Variants in KCNQ1 observed in about 807,000 individuals in gnomAD.
KCNQ1 encodes potassium voltage-gated channel subfamily Q member 1.
In KCNQ1, 49 loss-of-function variants were observed where a neutral mutation model predicts 72.4. That is an observed-to-expected ratio of 0.68 (90% CI 0.54 to 0.86). The LOEUF is 0.86. KCNQ1 is among the 40% of genes least tolerant of loss of function. KCNQ1 has a pLI of 0.00. For synonymous variants in KCNQ1, 450 were observed against 412.6 expected, an observed-to-expected ratio of 1.09 and a Z score of -1.10; for missense variants, 790 against 945.1, an observed-to-expected ratio of 0.84 and a Z score of 2.15.
At chr11:2,722,545 C>T (rs376294567) in intron 11 of KCNQ1, among the ~76,000 whole-genome samples, 15 of 152,132 alleles carry the variant, frequency 9.9e-5, no homozygotes, top group African/African-American at 2.7e-4. Context: ...ATGTCAGCCA[C>T]GGCTGGTGGG....
Position 2,669,146 on chromosome 11 carries a change from G to C in KCNQ1, c.1514+7065G>C. The C allele has an allele frequency of 2.5e-6, 1 of 398,708 alleles. No homozygotes were observed. Among genetic ancestry groups the C allele is most frequent in the Non-Finnish European group, 4.4e-6 (1 of 226,118 alleles). The allele number at this position is 398,708 out of a possible 1,614,324, so 24.7% of individuals were successfully genotyped here. On this transcript the variant is annotated intron_variant, in intron 11 of 15. Coordinates refer to ENST00000155840, the MANE Select transcript of KCNQ1 (RefSeq NM_000218.3). This position sits in a 1 kb window ranked among gnomAD's most constrained non-coding sequence, Gnocchi z 5.6. ...TTCTGGACCCTATTGGGTGCCACTG[G>C]TCAGATTCAAGTTGTTCTTTGTGGC...
At chr11:2,499,461 A>G (rs935021596) in intron 1 of KCNQ1, among the ~76,000 whole-genome samples, 2 of 152,122 alleles carry the variant, frequency 1.3e-5, no homozygotes, top group African/African-American at 4.8e-5. Flanking sequence ...ACGTATCAAT[A>G]ATAATATTAA....
chr11:2,778,159 T>TACCCAGCA, intron 15 of KCNQ1, 122 bp downstream of exon 15: 1 of 945,958 alleles, frequency 1.1e-6, no homozygotes, highest in Middle Eastern at 2.9e-4. Context: ...CGCCAGTGCC[T>TACCCAGCA]ACTGCAGCCT....
chr11:2,638,454 GA>G (rs1289052556), intron 10 of KCNQ1: 1 of 152,160 alleles, frequency 6.6e-6, no homozygotes, highest in African/African-American at 2.4e-5. Flanking sequence ...GGCTGGATAT[GA>G]AATTCTGGGT....
At position 2,526,635 on chromosome 11, in the gene KCNQ1, T is replaced by C. The variant is rs1847512589; in HGVS notation, c.387-1293T>C. ...GAGGATGAGCCGAGGCAGGCTGTGC[T>C]GGGAGGTAGCCTGTTTGTTGTGGGC... On this transcript the variant is annotated intron_variant, in intron 1 of 15. Coordinates refer to ENST00000155840, the MANE Select transcript of KCNQ1 (RefSeq NM_000218.3). This position sits in a 1 kb window ranked among gnomAD's most constrained non-coding sequence, Gnocchi z 6.1. Among the ~76,000 whole-genome samples, 2 of 110,808 alleles carry C rather than the reference T, an allele frequency of 1.8e-5. No homozygotes were observed. The highest frequency in any genetic ancestry group is 6.3e-4 in the East Asian group (2 of 3,174). 72.7% of individuals were successfully genotyped at this position (110,808 alleles called of 152,430 possible).
At chr11:2,738,099 A>C (rs1160682813) in intron 11 of KCNQ1, among the ~76,000 whole-genome samples, 1 of 152,070 alleles carries the variant, frequency 6.6e-6, no homozygotes, top group Non-Finnish European at 1.5e-5. Flanking sequence ...GCCTGTGGTC[A>C]GGGCAGGAAA....
intron 11 of KCNQ1, among the ~76,000 whole-genome samples, chr11:2,742,170 G>A (rs1846064705): frequency 1.3e-5 from 2 of 152,276 alleles, no homozygotes; most frequent in African/African-American, 4.8e-5. Flanking sequence ...GTGAACAGAG[G>A]TTTTGCACAG....
intron 1 of KCNQ1, among the ~76,000 whole-genome samples, chr11:2,521,159 C>T (rs1443832184): frequency 6.6e-6 from 1 of 152,146 alleles, no homozygotes. Flanking sequence ...GCAACCGTCA[C>T]CACCATCCAC....
At chr11:2,719,806 G>A (rs1040364244) in intron 11 of KCNQ1, among the ~76,000 whole-genome samples, 1 of 152,214 alleles carries the variant, frequency 6.6e-6, no homozygotes, top group Non-Finnish European at 1.5e-5. Flanking sequence ...CAAACACCGT[G>A]CTGGTTTCAG....
In KCNQ1 at chr11:2,735,316, G is replaced by A. The variant is rs1480636288; in HGVS notation, c.1515-33528G>A. ...CTGGGGCCCTGGGGTGGGAGGTGGG[G>A]ACAGGCTAATGGCAATTGAGGCCCT... On this transcript the variant is annotated intron_variant, in intron 11 of 15. Coordinates refer to ENST00000155840, the MANE Select transcript of KCNQ1 (RefSeq NM_000218.3). This position sits in a 1 kb window ranked among gnomAD's most constrained non-coding sequence, Gnocchi z 7.7. Among the ~76,000 whole-genome samples the A allele has an allele frequency of 6.6e-6, 1 of 152,068 alleles. No homozygotes were observed. Among genetic ancestry groups the A allele is most frequent in the African/African-American group, 2.4e-5 (1 of 41,410 alleles).
rs1475160497 is a variant in KCNQ1 at position 2,621,387 on chromosome 11, G to C, written c.1393+32533G>C. ...GTTCCTGTCCTTTGCCAATTCAATT[G>C]GATTATTCGTTTTTTGCTTGTTGAT... On this transcript the variant is annotated intron_variant, in intron 10 of 15. Transcript: ENST00000155840. The surrounding 1 kb of genome is among the most constrained non-coding windows in gnomAD (Gnocchi z 5.7). The C allele has an allele frequency of 7.5e-6, 3 of 398,370 alleles. No homozygotes were observed. The highest frequency in any genetic ancestry group is 6.2e-5 in the African/African-American group (3 of 48,578). The allele number at this position is 398,370 out of a possible 1,614,324, so 24.7% of individuals were successfully genotyped here.
Position 2,784,208 on chromosome 11 carries a change from T to C in KCNQ1, c.1794+6171T>C, listed in dbSNP as rs1846874296. On this transcript the variant is annotated intron_variant, in intron 15 of 15. Transcript: ENST00000155840. This position sits in a 1 kb window ranked among gnomAD's most constrained non-coding sequence, Gnocchi z 4.7. ...ATATGAAGTAAAGTCTAGATTTGTTTTGTTTTATTCTTACTTATGGATATC... is the reference window on the plus strand; with the variant it reads ...ATATGAAGTAAAGTCTAGATTTGTTCTGTTTTATTCTTACTTATGGATATC... 1.3e-5 allele frequency among the ~76,000 whole-genome samples: 2 copies of C among 152,000 alleles called. No individual in the cohort carries two copies.
In KCNQ1 at chr11:2,682,103, G is replaced by A. The variant is rs959470462; in HGVS notation, c.1514+20022G>A. On this transcript the variant is annotated intron_variant, in intron 11 of 15. Coordinates refer to ENST00000155840, the MANE Select transcript of KCNQ1 (RefSeq NM_000218.3). This position sits in a 1 kb window ranked among gnomAD's most constrained non-coding sequence, Gnocchi z 5.8. Reference sequence around the variant, plus strand: ...TAGGGCCCAGGGTCACAAAGCTAGGGAGCCGTGGATCTGCAGGAGATGTCC... The same window carrying A: ...TAGGGCCCAGGGTCACAAAGCTAGGAAGCCGTGGATCTGCAGGAGATGTCC... 4 of 398,448 alleles carry A rather than the reference G, an allele frequency of 1.0e-5. No individual in the cohort carries two copies. The highest frequency in any genetic ancestry group is 1.8e-5 in the Non-Finnish European group (4 of 226,080). The allele number at this position is 398,448 out of a possible 1,614,324, so 24.7% of individuals were successfully genotyped here. A position where few individuals can be genotyped will look rare whatever the true frequency, so the allele number is the denominator to read the frequency against.
At chr11:2,534,557 C>G (rs1338359670) in intron 2 of KCNQ1, among the ~76,000 whole-genome samples, 8 of 152,212 alleles carry the variant, frequency 5.3e-5, no homozygotes, top group African/African-American at 1.9e-4. Flanking sequence ...GACGAAGCCC[C>G]GTCCTGCACA....
intron 2 of KCNQ1, among the ~76,000 whole-genome samples, chr11:2,551,440 A>C (rs1847982434): frequency 6.6e-6 from 1 of 152,332 alleles, no homozygotes; most frequent in South Asian, 2.1e-4. Flanking sequence ...TGCATTCAGC[A>C]GTTTGTCTCC....
chr11:2,667,512 G>A, intron 11 of KCNQ1: 1 of 398,112 alleles, frequency 2.5e-6, no homozygotes, highest in Non-Finnish European at 4.4e-6. Context: ...GAGGTGGCTG[G>A]AGGGCAAAGG....
chr11:2,777,802 G>C, intron 14 of KCNQ1, 174 bp from the exon 15 acceptor site: 1 of 654,822 alleles, frequency 1.5e-6, no homozygotes, highest in Non-Finnish European at 2.8e-6. Flanking sequence ...CCCGGCCACC[G>C]TACCACCCCT....
In KCNQ1 at chr11:2,543,538, C is replaced by T. The variant is rs1469364698; in HGVS notation, c.477+15520C>T. ...ATCCCCTTGCCTCGGCCTCCCAAAG[C>T]GCTGGAATTACAGGTGTGAGCCACT... On this transcript the variant is annotated intron_variant, in intron 2 of 15. Transcript: ENST00000155840. The surrounding 1 kb of genome is among the most constrained non-coding windows in gnomAD (Gnocchi z 5.6). Among the ~76,000 whole-genome samples, 2 of 152,130 alleles carry T rather than the reference C, an allele frequency of 1.3e-5. No homozygotes were observed. Among genetic ancestry groups the T allele is most frequent in the Non-Finnish European group, 2.9e-5 (2 of 68,016 alleles).
rs1412587765 is a variant in KCNQ1 at position 2,541,951 on chromosome 11, C to CG, written c.477+13934dup. ...CTGCACCCCTCCTGTGAAAGGCCGG[C>CG]GCAGAGCTGCACCGTGGGGTCCCCT... is the stretch of plus-strand genomic sequence containing the variant. On this transcript the variant is annotated intron_variant, in intron 2 of 15. Coordinates refer to ENST00000155840, the MANE Select transcript of KCNQ1 (RefSeq NM_000218.3). This position sits in a 1 kb window ranked among gnomAD's most constrained non-coding sequence, Gnocchi z 4.8. Among the ~76,000 whole-genome samples the CG allele has an allele frequency of 6.6e-6, 1 of 152,170 alleles. No homozygotes were observed. Among genetic ancestry groups the CG allele is most frequent in the Non-Finnish European group, 1.5e-5 (1 of 68,036 alleles).
Sources: allele counts gnomAD v4.1 joint callset (sites outside exome capture counted in the v4.1 genomes callset), GRCh38; gene constraint gnomAD v4.1.1; non-coding constraint Gnocchi (gnomAD v3.1); transcripts MANE v1.5; gene names NCBI Gene and HGNC (gene_info 2026-07-23, HGNC 2026-07-21).